DNAH8: variants seen among roughly 807,000 people sequenced by gnomAD.
DNAH8 encodes axonemal beta dynein heavy chain 8.
Under a neutral mutation model 562.1 loss-of-function variants are expected in DNAH8, and 382 were observed. That is an observed-to-expected ratio of 0.68 (90% CI 0.63 to 0.74). The LOEUF is 0.74. Ranked by LOEUF, DNAH8 falls within the 30% of genes least tolerant of loss-of-function variation. DNAH8 has a pLI of 0.00. For synonymous variants in DNAH8, 1,881 were observed against 1,919.4 expected (o/e 0.98, Z 0.52); for missense variants, 5,203 against 5,620.4 (o/e 0.93, Z 2.37).
Position 38,786,823 on chromosome 6 carries a change from C to T in DNAH8, c.2454C>T (p.Phe818=), listed in dbSNP as rs761076754. The T allele has an allele frequency of 1.7e-5, 27 of 1,613,088 alleles. No homozygotes were observed. Among genetic ancestry groups the T allele is most frequent in the South Asian group, 4.4e-5 (4 of 90,916 alleles). The change falls in exon 18 of 93, where the codon TTC becomes TTT. Residue 818 remains phenylalanine (F), a synonymous_variant. Transcript: ENST00000327475. The part of the protein sequence containing the change: ...HPETGKLLVN[F]DPKILEVVRE... ...AAACAGGGAAGTTGCTGGTTAATTTCGATCCCAAAATTTTGGAAGTTGTTC... is the reference window on the plus strand; with the variant it reads ...AAACAGGGAAGTTGCTGGTTAATTTTGATCCCAAAATTTTGGAAGTTGTTC...
intron 58 of DNAH8, among the ~76,000 whole-genome samples, chr6:38,892,587 A>T (rs1779413681): frequency 6.6e-6 from 1 of 152,058 alleles, no homozygotes; most frequent in Non-Finnish European, 1.5e-5. Context: ...TCCCCCCGTG[A>T]CCACCCTGAT....
intron 8 of DNAH8, among the ~76,000 whole-genome samples, chr6:38,748,186 C>A (rs894933430): frequency 1.3e-5 from 2 of 152,186 alleles, no homozygotes; most frequent in African/African-American, 4.8e-5. Context: ...GGATCAAAGG[C>A]ATATACAATT....
chr6:38,868,060 A>G lies in DNAH8; in HGVS notation c.6694-2A>G. The stretch of plus-strand genomic sequence containing the variant: ...TCTTTTTGCCCTCTTCTCCCATCTC[A>G]GGTTCATTATGACTTTGGATTGAGA... On this transcript the variant is annotated splice_acceptor_variant, in intron 47 of 92. Coordinates refer to ENST00000327475, the MANE Select transcript of DNAH8 (RefSeq NM_001206927.2). LOFTEE classifies it high-confidence loss of function. The G allele has an allele frequency of 1.2e-6, 2 of 1,605,688 alleles. No homozygotes were observed. The highest frequency in any genetic ancestry group is 1.7e-4 in the Middle Eastern group (1 of 6,000).
intron 88 of DNAH8, 121 bp from the exon 89 acceptor site, chr6:39,008,693 C>CTTTTTTTTTTTTTTTTTTTTTTTT (rs34058863): frequency 2.9e-6 from 1 of 350,590 alleles, no homozygotes; most frequent in Non-Finnish European, 5.0e-6. Flanking sequence ...AACTTTTCTT[C>CTTTTTTTTTTTTTTTTTTTTTTTT]TTTTTTTTTT....
intron 89 of DNAH8, among the ~76,000 whole-genome samples, chr6:39,011,200 G>A (rs1766189972): frequency 6.6e-6 from 1 of 152,134 alleles, no homozygotes; most frequent in Non-Finnish European, 1.5e-5. Flanking sequence ...CTTGCTGAAA[G>A]GAAACTTCTG....
chr6:38,766,412 C>T (rs1218904624), intron 11 of DNAH8, among the ~76,000 whole-genome samples: 2 of 152,076 alleles, frequency 1.3e-5, no homozygotes, highest in African/African-American at 4.8e-5. Flanking sequence ...TGAAAGAGTA[C>T]AAATTTTCAG....
intron 82 of DNAH8, among the ~76,000 whole-genome samples, chr6:38,957,891 G>C (rs9369095): frequency 0.17 from 16,329 of 98,374 alleles, 1,320 homozygotes; most frequent in East Asian, 0.43. Context: ...AAAAAAACAA[G>C]ATCACAAATA....
chr6:39,010,176 T>C (rs1315034765), intron 89 of DNAH8, among the ~76,000 whole-genome samples: 1 of 152,178 alleles, frequency 6.6e-6, no homozygotes, highest in East Asian at 1.9e-4. Flanking sequence ...ACTAAATGGA[T>C]TCCTATATGG....
intron 35 of DNAH8, 24 bp downstream of exon 35, chr6:38,842,927 T>C: frequency 1.2e-6 from 2 of 1,605,026 alleles, no homozygotes; most frequent in Non-Finnish European, 1.7e-6. Flanking sequence ...TACGTTCTTA[T>C]CAATGATCCA....
chr6:38,752,364 A>G (rs1459984327), intron 9 of DNAH8, among the ~76,000 whole-genome samples: 1 of 152,234 alleles, frequency 6.6e-6, no homozygotes. Flanking sequence ...AGGTTTCGCC[A>G]CATTGGCCAG....
chr6:38,746,576 A>AT (rs1173730271), intron 8 of DNAH8, among the ~76,000 whole-genome samples: 3 of 150,746 alleles, frequency 2.0e-5, no homozygotes, highest in Admixed American at 1.3e-4. Flanking sequence ...AGATGAATTA[A>AT]TTTTTTCAGC....
At chr6:38,874,092 C>CTTTT (rs1777745679) in intron 52 of DNAH8, among the ~76,000 whole-genome samples, 1 of 103,712 alleles carries the variant, frequency 9.6e-6, no homozygotes, top group South Asian at 3.5e-4. Context: ...TTCTTTCTTT[C>CTTTT]TTTCTCTTTC....
chr6:38,738,043 C>T lies in DNAH8; in HGVS notation c.1116+71C>T, dbSNP rs577538506. On this transcript the variant is annotated intron_variant, in intron 7 of 92. Coordinates refer to ENST00000327475, the MANE Select transcript of DNAH8 (RefSeq NM_001206927.2). ...GCATCCTAGCCATTGTATTTTGTCT[C>T]TAACAGCAAAGGGAAGAGGTGTCTC... The T allele has an allele frequency of 2.0e-5, 30 of 1,495,318 alleles. No individual in the cohort carries two copies. In the East Asian group the frequency reaches 7.3e-4, roughly 36 times the overall value. 92.6% of individuals were successfully genotyped at this position (1,495,318 alleles called of 1,614,324 possible).
chr6:38,992,884 G>A (rs1764890152), intron 88 of DNAH8, among the ~76,000 whole-genome samples: 1 of 152,112 alleles, frequency 6.6e-6, no homozygotes, highest in African/African-American at 2.4e-5. Context: ...TGCACATACA[G>A]TAAACATTCA....
At chr6:38,738,775 C>T (rs745890123) in intron 7 of DNAH8, among the ~76,000 whole-genome samples, 2 of 152,132 alleles carry the variant, frequency 1.3e-5, no homozygotes, top group African/African-American at 4.8e-5. Context: ...GAGGACTCCC[C>T]TAGGGTCTAG....
chr6:38,737,830 G>A lies in DNAH8; in HGVS notation c.974G>A (p.Gly325Glu), dbSNP rs756498084. The A allele has an allele frequency of 1.3e-6, 2 of 1,553,510 alleles. No homozygotes were observed. The highest frequency in any genetic ancestry group is 1.7e-4 in the Middle Eastern group (1 of 5,906). ...FLDGARISIE[G>E]TVKLKTIDNV... is the part of the protein sequence containing the mutation. ...TTAGGTGCTAGAATAAGTATTGAGG[G>A]AACAGTGAAGTTAAAGACAATAGAC... is the stretch of plus-strand genomic sequence containing the variant. The change falls in exon 7 of 93, where the codon GGA (glycine) becomes GAA (glutamate). Residue 325 changes from glycine to glutamate, a missense_variant. Gly to Glu is a moderately conservative substitution (Grantham distance 98). Around this residue, in one of 6 missense-constraint regions of DNAH8, gnomAD observed 556 missense variants for 496.9 expected, o/e 1.12. Coordinates refer to ENST00000327475, the MANE Select transcript of DNAH8 (RefSeq NM_001206927.2).
At chr6:38,987,138 T>C (rs1490987563) in intron 87 of DNAH8, among the ~76,000 whole-genome samples, 1 of 152,210 alleles carries the variant, frequency 6.6e-6, no homozygotes, top group Admixed American at 6.5e-5. Flanking sequence ...TTCTTCAGCA[T>C]GTAGACAGTG....
intron 26 of DNAH8, chr6:38,822,202 G>A (rs990123135): frequency 3.2e-5 from 4 of 123,284 alleles, no homozygotes; most frequent in African/African-American, 1.4e-4. Flanking sequence ...CATTTTTAGA[G>A]TAGGTGGATC....
chr6:38,732,330 C>A (rs1418865197), intron 4 of DNAH8, among the ~76,000 whole-genome samples: 5 of 152,096 alleles, frequency 3.3e-5, no homozygotes, highest in Non-Finnish European at 7.3e-5. Context: ...ATCCTGGGGG[C>A]CAGGGAGGCT....
Sources: allele counts gnomAD v4.1 joint callset (sites outside exome capture counted in the v4.1 genomes callset), GRCh38; gene constraint gnomAD v4.1.1; regional missense constraint gnomAD v4.1.1; transcripts MANE v1.5; gene names NCBI Gene and HGNC (gene_info 2026-07-23, HGNC 2026-07-21).